The following RAD54B variants were observed in gnomAD, a reference collection of about 807,000 sequenced individuals.
RAD54B encodes DNA repair and recombination protein RAD54B.
In RAD54B, 78 loss-of-function variants were observed where a neutral mutation model predicts 95.8. The observed-to-expected ratio is 0.81, with a 90% CI of 0.68 to 0.98. RAD54B has a LOEUF of 0.98. Ranked by LOEUF, RAD54B falls within the 50% of genes least tolerant of loss-of-function variation. RAD54B has a pLI of 0.00. For synonymous variants in RAD54B, 328 were observed against 354.9 expected (o/e 0.92, Z 0.85); for missense variants, 957 against 1,056.6 (o/e 0.91, Z 1.31).
intron 1 of RAD54B, among the ~76,000 whole-genome samples, chr8:94,473,308 C>G (rs1014139394): frequency 1.3e-5 from 2 of 152,166 alleles, no homozygotes; most frequent in East Asian, 3.9e-4. Context: ...AACTGTAATA[C>G]ACCAGATAGC....
At chr8:94,439,628 T>G (rs1051128560) in intron 3 of RAD54B, among the ~76,000 whole-genome samples, 3 of 149,318 alleles carry the variant, frequency 2.0e-5, no homozygotes, top group African/African-American at 7.4e-5. Flanking sequence ...ATCAACCAAA[T>G]ATATTTAAGA....
At chr8:94,422,633 T>A (rs1346907884) in intron 3 of RAD54B, among the ~76,000 whole-genome samples, 17 of 103,288 alleles carry the variant, frequency 1.6e-4, no homozygotes, top group African/African-American at 4.5e-4. Flanking sequence ...TATATATATA[T>A]ATATATATAT....
intron 2 of RAD54B, among the ~76,000 whole-genome samples, chr8:94,463,736 ATAAAATT>A (rs1026164955): frequency 2.0e-5 from 3 of 151,896 alleles, no homozygotes; most frequent in African/African-American, 4.8e-5. Flanking sequence ...AAATTAGCCT[ATAAAATT>A]TAAAATTTAA....
rs201143620 is a variant in RAD54B at position 94,411,324 on chromosome 8, A to T, written c.305-9T>A. On this transcript the variant is annotated splice_polypyrimidine_tract_variant and intron_variant, in intron 3 of 14. Transcript: ENST00000336148. ...TTTAGGAGCCGAATGAACTACAATT[A>T]AAAAAAAAACACACATTATTAAAAA... 6.7e-6 allele frequency: 9 copies of T among 1,343,468 alleles called. No individual in the cohort carries two copies. The highest frequency in any genetic ancestry group is 6.6e-5 in the African/African-American group (4 of 60,822). The allele number at this position is 1,343,468 out of a possible 1,614,324, so 83.2% of individuals were successfully genotyped here.
intron 3 of RAD54B, chr8:94,427,726 T>G: frequency 1.0e-6 from 1 of 982,046 alleles, no homozygotes. Context: ...TACAAAGTAG[T>G]ATCTTGTATT....
At chr8:94,466,421 T>TTTTTTTTTG (rs1813025394) in intron 2 of RAD54B, among the ~76,000 whole-genome samples, 1 of 150,518 alleles carries the variant, frequency 6.6e-6, no homozygotes, top group Non-Finnish European at 1.5e-5. Context: ...TTTTTTTTTT[T>TTTTTTTTTG]GGGGGGGACG....
intron 3 of RAD54B, among the ~76,000 whole-genome samples, chr8:94,437,284 CAA>C (rs1357034249): frequency 1.3e-5 from 2 of 152,168 alleles, no homozygotes; most frequent in African/African-American, 2.4e-5. Flanking sequence ...TTAATAAAAA[CAA>C]AAGAGGAACT....
chr8:94,401,155 A>C (rs1811257748), intron 6 of RAD54B, among the ~76,000 whole-genome samples: 1 of 152,232 alleles, frequency 6.6e-6, no homozygotes, highest in Non-Finnish European at 1.5e-5. Context: ...GGATATTACC[A>C]AAATACATAA....
In RAD54B at chr8:94,372,318, G is replaced by A; in HGVS notation, c.2585C>T (p.Ser862Phe). The change falls in exon 15 of 15, where the codon TCC becomes TTC. Residue 862 changes from serine to phenylalanine, a missense_variant. By Grantham distance (155) the Ser-to-Phe change is radical. Transcript: ENST00000336148. ...CTGGGACATAGAAAGAGGTTTCAGG[G>A]AGTTAGATTTCTGGTGATGTGGACC... ...QLGPHHQKSN[S>F]LKPLSMSQLK... 1 of 1,613,814 alleles carries A rather than the reference G, an allele frequency of 6.2e-7. No homozygotes were observed. Among genetic ancestry groups the A allele is most frequent in the African/African-American group, 1.3e-5 (1 of 75,030 alleles).
chr8:94,443,922 A>ATGTACAAC (rs146974829), intron 3 of RAD54B, among the ~76,000 whole-genome samples: 1,751 of 152,182 alleles, frequency 0.012, 27 homozygotes, highest in African/African-American at 0.04. Flanking sequence ...CCCCCAAAAT[A>ATGTACAAC]TGTACAACTA....
chr8:94,449,833 AC>A (rs1295226004), intron 3 of RAD54B, among the ~76,000 whole-genome samples: 2 of 152,200 alleles, frequency 1.3e-5, no homozygotes, highest in Non-Finnish European at 2.9e-5. Flanking sequence ...ATTCAAAAGA[AC>A]AGTCCCAGTG....
chr8:94,429,675 GAA>G (rs1812037367), intron 3 of RAD54B: 1 of 983,314 alleles, frequency 1.0e-6, no homozygotes, highest in Non-Finnish European at 1.2e-6. Flanking sequence ...TAGACTCAAA[GAA>G]AAGTCATAGC....
At chr8:94,389,985 A>G (rs1810977023) in intron 10 of RAD54B, among the ~76,000 whole-genome samples, 2 of 152,086 alleles carry the variant, frequency 1.3e-5, no homozygotes, top group African/African-American at 4.8e-5. Context: ...ATTTTTGGCT[A>G]TTTTTACCGT....
At chr8:94,428,417 A>G in intron 3 of RAD54B, 9 of 633,314 alleles carry the variant, frequency 1.4e-5, no homozygotes, top group Non-Finnish European at 1.8e-5. Context: ...ATCAAGATCC[A>G]CAGATACTCA....
intron 3 of RAD54B, among the ~76,000 whole-genome samples, chr8:94,447,508 T>C (rs1341271836): frequency 4.6e-5 from 7 of 152,276 alleles, no homozygotes; most frequent in Admixed American, 1.3e-4. Context: ...CACCACTCAC[T>C]CATTGTGTTG....
chr8:94,437,446 A>G (rs779534081), intron 3 of RAD54B, among the ~76,000 whole-genome samples: 8 of 152,190 alleles, frequency 5.3e-5, no homozygotes, highest in Non-Finnish European at 1.0e-4. Context: ...TCTGCTGTCA[A>G]TCAGGAATTG....
intron 3 of RAD54B, among the ~76,000 whole-genome samples, chr8:94,421,772 C>T (rs1811811860): frequency 6.6e-6 from 1 of 152,192 alleles, no homozygotes; most frequent in Non-Finnish European, 1.5e-5. Context: ...GTATCCTTCT[C>T]CATTGCCTCC....
Position 94,405,260 on chromosome 8 carries a change from A to G in RAD54B, c.782-1021T>C, listed in dbSNP as rs1254362605. On this transcript the variant is annotated intron_variant, in intron 5 of 14. Transcript: ENST00000336148. ...AACTAGAAGGCAGGTCTCAATTGAT[A>G]AATCTGAAATTAGATAATAAACCCA... Among the ~76,000 whole-genome samples, 3 of 152,234 alleles carry G rather than the reference A, an allele frequency of 2.0e-5. No homozygotes were observed. In the South Asian group the frequency reaches 6.2e-4, roughly 32 times the overall value.
intron 3 of RAD54B, among the ~76,000 whole-genome samples, chr8:94,419,882 T>C (rs71532314): frequency 0.023 from 3,554 of 152,294 alleles, 56 homozygotes; most frequent in Non-Finnish European, 0.035. Context: ...CAACAAGGTT[T>C]TGATCAACCA....
Sources: allele counts gnomAD v4.1 joint callset (sites outside exome capture counted in the v4.1 genomes callset), GRCh38; gene constraint gnomAD v4.1.1; transcripts MANE v1.5; gene names NCBI Gene and HGNC (gene_info 2026-07-23, HGNC 2026-07-21).